The following STX7 variants were observed in gnomAD, a reference collection of about 807,000 sequenced individuals.
The protein encoded by STX7 is syntaxin 7, also known as syntaxin-7.
In STX7, 34 loss-of-function variants were observed where a neutral mutation model predicts 39.6. That is an observed-to-expected ratio of 0.86 (90% CI 0.65 to 1.14). The LOEUF (loss-of-function observed/expected upper bound fraction) is 1.14. Among genes scored for constraint, STX7 ranks in the 50% most tolerant of loss-of-function variants. STX7 has a pLI of 0.00. For missense variants in STX7, 284 were observed against 310.4 expected (o/e 0.92, Z 0.64); for synonymous variants, 119 against 99.1 (o/e 1.20, Z -1.19).
At chr6:132,508,484 G>T (rs1775762323) in intron 1 of STX7, among the ~76,000 whole-genome samples, 1 of 152,164 alleles carries the variant, frequency 6.6e-6, no homozygotes, top group South Asian at 2.1e-4. Flanking sequence ...TACTTAGATT[G>T]ACTGGAATTA....
chr6:132,470,764 G>A (rs895131593), intron 5 of STX7, 138 bp from the exon 6 acceptor site: 4 of 424,780 alleles, frequency 9.4e-6, no homozygotes, highest in Non-Finnish European at 1.7e-5. Context: ...TGTGTGTGTA[G>A]AGACAGAGAG....
chr6:132,472,421 C>A, intron 3 of STX7, 46 bp from the exon 4 acceptor site: 1 of 1,426,752 alleles, frequency 7.0e-7, no homozygotes, highest in South Asian at 1.3e-5. Flanking sequence ...TAATATACTT[C>A]TTTAAGCTTC....
At chr6:132,490,646 G>C (rs142700304) in intron 2 of STX7, among the ~76,000 whole-genome samples, 2 of 152,154 alleles carry the variant, frequency 1.3e-5, no homozygotes, top group African/African-American at 4.8e-5. Flanking sequence ...GAGAATAACC[G>C]GGGTTGCAGA....
chr6:132,453,351 T>A lies in STX7; in HGVS notation c.*7407A>T, dbSNP rs140711694. On this transcript the variant is annotated 3_prime_UTR_variant, in exon 10 of 10. Coordinates refer to ENST00000367941, the MANE Select transcript of STX7 (RefSeq NM_003569.3). ...GGGGGATCTAAGGAGAGAGGCAAAG[T>A]TCTTGATACCAGAAGCATGATCCAT... 1.3e-5 allele frequency: 2 copies of A among 152,012 alleles called. No homozygotes were observed. The highest frequency in any genetic ancestry group is 3.9e-4 in the East Asian group (2 of 5,178). The allele number at this position is 152,012 out of a possible 1,614,324, so 9.4% of individuals were successfully genotyped here.
intron 3 of STX7, among the ~76,000 whole-genome samples, chr6:132,473,674 A>G (rs1774797171): frequency 6.6e-6 from 1 of 152,064 alleles, no homozygotes; most frequent in Non-Finnish European, 1.5e-5. Context: ...ACACTAAAAA[A>G]AAGCTCATAT....
chr6:132,464,041 C>T lies in STX7; in HGVS notation c.645G>A (p.Val215=), dbSNP rs769184257. 6.2e-7 allele frequency: 1 copy of T among 1,614,070 alleles called. No homozygotes were observed. The highest frequency in any genetic ancestry group is 1.7e-5 in the Admixed American group (1 of 60,016). The change falls in exon 9 of 10, where the codon GTG becomes GTA. Residue 215 remains valine (V), a synonymous_variant. Transcript: ENST00000367941. The stretch of plus-strand genomic sequence containing the variant: ...GCTGCTGATTTGCTTGCTGAACGTG[C>T]ACCTCTGCATTTTCCACATTGGCTT... ...SIEANVENAE[V]HVQQANQQLS...
rs544197115 is a variant in STX7, at chr6:132,449,548, A to T, written c.*11210T>A. On this transcript the variant is annotated 3_prime_UTR_variant, in exon 10 of 10. Coordinates refer to ENST00000367941, the MANE Select transcript of STX7 (RefSeq NM_003569.3). The stretch of plus-strand genomic sequence containing the variant: ...CTTCCCATTCTATCCTTCAGGTCTC[A>T]TAATCTCTAATTCTTATTTTCTATC... The T allele has an allele frequency of 2.6e-5, 4 of 152,230 alleles. No homozygotes were observed. The South Asian group carries it at 8.3e-4, about 32-fold the overall frequency. 9.4% of individuals were successfully genotyped at this position (152,230 alleles called of 1,614,324 possible).
Position 132,490,642 on chromosome 6 carries a change from A to C in STX7, c.85+12804T>G, listed in dbSNP as rs185053136. Among the ~76,000 whole-genome samples, 81 of 152,314 alleles carry C rather than the reference A, an allele frequency of 5.3e-4. 1 individual carries two copies. In the East Asian group the frequency reaches 0.015, roughly 28 times the overall value. On this transcript the variant is annotated intron_variant, in intron 2 of 9. Coordinates refer to ENST00000367941, the MANE Select transcript of STX7 (RefSeq NM_003569.3). ...AAGCCGTATGGGTGGGGCGGAGAATAACCGGGGTTGCAGAGCTCCACACTG... is the reference window on the plus strand; with the variant it reads ...AAGCCGTATGGGTGGGGCGGAGAATCACCGGGGTTGCAGAGCTCCACACTG...
At chr6:132,465,607 G>C (rs1439152899) in intron 8 of STX7, among the ~76,000 whole-genome samples, 1 of 152,184 alleles carries the variant, frequency 6.6e-6, no homozygotes, top group Non-Finnish European at 1.5e-5. Flanking sequence ...ACTTCTGAAA[G>C]ACTACGTCAT....
At chr6:132,465,267 G>C (rs1160898347) in intron 8 of STX7, among the ~76,000 whole-genome samples, 3 of 152,078 alleles carry the variant, frequency 2.0e-5, no homozygotes, top group Non-Finnish European at 2.9e-5. Flanking sequence ...AATTTCAAGG[G>C]TCTCACTCTT....
chr6:132,495,488 ACT>A (rs1433277488), intron 2 of STX7, among the ~76,000 whole-genome samples: 2 of 151,994 alleles, frequency 1.3e-5, no homozygotes, highest in Admixed American at 1.3e-4. Flanking sequence ...CAATTTTTCA[ACT>A]CTTTTTCCTT....
intron 2 of STX7, among the ~76,000 whole-genome samples, chr6:132,491,017 A>AGCACG (rs1775268571): frequency 6.6e-6 from 1 of 152,048 alleles, no homozygotes. Flanking sequence ...AGCACAGCAC[A>AGCACG]GCACAGCAGA....
rs199798662 is a variant in STX7 at position 132,509,452 on chromosome 6, AATAACATAACATAAC to A, written c.-59+3540_-59+3554del. Among the ~76,000 whole-genome samples the A allele has an allele frequency of 5.8e-3, 58 of 9,958 alleles. 2 individuals are homozygous for A. The highest frequency in any genetic ancestry group is 0.019 in the African/African-American group (48 of 2,590). The allele number at this position is 9,958 out of a possible 152,430, so 6.5% of individuals were successfully genotyped here. On this transcript the variant is annotated intron_variant, in intron 1 of 9. Transcript: ENST00000367941. Reference sequence around the variant, plus strand: ...GGCGACAGAGCGAGACTCGTCTCAAAATAACATAACATAACATAACATAACATAACATAACATAAC... The same window carrying A: ...GGCGACAGAGCGAGACTCGTCTCAAAATAACATAACATAACATAACATAAC...
intron 2 of STX7, among the ~76,000 whole-genome samples, chr6:132,502,848 A>G (rs182070090): frequency 4.6e-5 from 7 of 152,240 alleles, no homozygotes; most frequent in Admixed American, 1.3e-4. Flanking sequence ...GCAGTGAGCC[A>G]AGATCGTACC....
rs972844268 is a variant in STX7, at chr6:132,446,700, G to A, written c.*14058C>T. The A allele has an allele frequency of 4.6e-5, 7 of 152,134 alleles. No homozygotes were observed. The highest frequency in any genetic ancestry group is 1.7e-4 in the African/African-American group (7 of 41,440). 9.4% of individuals were successfully genotyped at this position (152,134 alleles called of 1,614,324 possible). A position where few individuals can be genotyped will look rare whatever the true frequency, so the allele number is the denominator to read the frequency against. ...GTATTAAAATGTTTTTTATGAACAT[G>A]AGCATCTGGCTGCACATACAGAGCA... On this transcript the variant is annotated 3_prime_UTR_variant, in exon 10 of 10. Transcript: ENST00000367941.
intron 8 of STX7, 122 bp from the exon 9 acceptor site, chr6:132,464,197 A>G: frequency 1.0e-6 from 1 of 976,916 alleles, no homozygotes; most frequent in Non-Finnish European, 1.6e-6. Context: ...TAATAGTAGT[A>G]TATCATAAAG....
rs968064171 is a variant in STX7 at position 132,472,202 on chromosome 6, C to T, written c.249+80G>A. On this transcript the variant is annotated intron_variant, in intron 4 of 9. Coordinates refer to ENST00000367941, the MANE Select transcript of STX7 (RefSeq NM_003569.3). ...CTTTCTAGCATAATTTCCTTTCTAG[C>T]GTAACAGTTCAAAGATCCTACAGTG... is the stretch of plus-strand genomic sequence containing the variant. 18 of 1,015,998 alleles carry T rather than the reference C, an allele frequency of 1.8e-5. No homozygotes were observed. The Admixed American group carries it at 2.1e-4, about 12-fold the overall frequency. The allele number at this position is 1,015,998 out of a possible 1,614,324, so 62.9% of individuals were successfully genotyped here. A position where few individuals can be genotyped will look rare whatever the true frequency, so the allele number is the denominator to read the frequency against.
rs1015444517 is a variant in STX7 at position 132,457,789 on chromosome 6, A to G, written c.*2969T>C. 6.6e-6 allele frequency: 1 copy of G among 152,202 alleles called. No homozygotes were observed. Among genetic ancestry groups the G allele is most frequent in the Non-Finnish European group, 1.5e-5 (1 of 68,028 alleles). The allele number at this position is 152,202 out of a possible 1,614,324, so 9.4% of individuals were successfully genotyped here. Reference sequence around the variant, plus strand: ...TCCCTCAATCAACTTACTTCAGCCCATTCTGAAACTTCATATTGCAGCAAA... The same window carrying G: ...TCCCTCAATCAACTTACTTCAGCCCGTTCTGAAACTTCATATTGCAGCAAA... On this transcript the variant is annotated 3_prime_UTR_variant, in exon 10 of 10. Coordinates refer to ENST00000367941, the MANE Select transcript of STX7 (RefSeq NM_003569.3).
At chr6:132,504,081 T>C (rs775834497) in intron 1 of STX7, among the ~76,000 whole-genome samples, 5 of 152,184 alleles carry the variant, frequency 3.3e-5, no homozygotes, top group African/African-American at 7.2e-5. Flanking sequence ...GCAAAAGTAA[T>C]TGCAGTTTTT....
Sources: gnomAD v4.1 joint callset for allele counts (sites outside exome capture counted in the v4.1 genomes callset) on GRCh38, gnomAD v4.1.1 for gene constraint, MANE v1.5 for transcripts, NCBI Gene and HGNC (gene_info 2026-07-23, HGNC 2026-07-21) for gene names.